Variants in PCYT1B observed in about 807,000 individuals in gnomAD.
The protein encoded by PCYT1B is phosphate cytidylyltransferase 1B, choline, also known as choline-phosphate cytidylyltransferase B.
Under a neutral mutation model 26.4 loss-of-function variants are expected in PCYT1B, and 10 were observed. That is an observed-to-expected ratio of 0.38 (90% CI 0.23 to 0.64). The LOEUF (loss-of-function observed/expected upper bound fraction) is 0.64. Ranked by LOEUF, PCYT1B falls within the 30% of genes least tolerant of loss-of-function variation. The probability of loss-of-function intolerance (pLI) is 0.56; values close to 1 mark genes in which losing one functional copy is unlikely to be tolerated. For missense variants in PCYT1B, 161 were observed against 292.7 expected (o/e 0.55, Z 3.28); for synonymous variants, 131 against 108.4 (o/e 1.21, Z -1.29).
chrX:24,589,564 C>T (rs928321035), intron 4 of PCYT1B, among the ~76,000 whole-genome samples: 7 of 111,832 alleles, frequency 6.3e-5, no homozygotes, highest in Admixed American at 1.9e-4. Flanking sequence ...GCCTGTGAAT[C>T]GATAAGCATC....
chrX:24,616,228 CTTT>C (rs59287140), intron 2 of PCYT1B, among the ~76,000 whole-genome samples: 1 of 43,812 alleles, frequency 2.3e-5, no homozygotes, highest in Non-Finnish European at 3.5e-5. Flanking sequence ...ACCACCTGGA[CTTT>C]TTTTTTTTTT....
intron 1 of PCYT1B, among the ~76,000 whole-genome samples, chrX:24,629,551 C>A (rs1175955082): frequency 7.6e-5 from 4 of 52,857 alleles, no homozygotes; most frequent in Non-Finnish European, 1.3e-4. Flanking sequence ...AAGAGTGAGA[C>A]CCTGTCTCAA....
intron 1 of PCYT1B, among the ~76,000 whole-genome samples, chrX:24,630,388 T>A (rs989774356): frequency 9.0e-6 from 1 of 111,320 alleles, no homozygotes; most frequent in Admixed American, 9.6e-5. Flanking sequence ...CTCCACCCCC[T>A]GAGTTCACGC....
intron 3 of PCYT1B, among the ~76,000 whole-genome samples, chrX:24,592,338 G>C (rs1228585756): frequency 9.0e-6 from 1 of 111,432 alleles, no homozygotes; most frequent in African/African-American, 3.3e-5. Flanking sequence ...CCCACACCCA[G>C]AATCAAATCT....
At chrX:24,654,761 A>G (rs1250291724) in intron 1 of PCYT1B, among the ~76,000 whole-genome samples, 2 of 106,571 alleles carry the variant, frequency 1.9e-5, no homozygotes, top group Non-Finnish European at 3.9e-5. Context: ...AAAAAAAAAA[A>G]AAAAAAAAAA....
At chrX:24,633,491 T>C (rs943287973) in intron 1 of PCYT1B, among the ~76,000 whole-genome samples, 4 of 110,476 alleles carry the variant, frequency 3.6e-5, no homozygotes, top group Admixed American at 2.9e-4. Flanking sequence ...CTGGCCAACA[T>C]GGTGAACACC....
chrX:24,656,551 CTTTTTTTTT>C (rs1179469896), intron 1 of PCYT1B, among the ~76,000 whole-genome samples: 6 of 56,637 alleles, frequency 1.1e-4, no homozygotes, highest in African/African-American at 2.2e-4. Flanking sequence ...TCTTTTTTTC[CTTTTTTTTT>C]TTTTTTTTTT....
rs5901755 is a variant in PCYT1B at position 24,559,420 on chromosome X, GAGAA to G, written c.*2869_*2872del. ...AAGAAAGAAAAAGAGGAAAGAAAAA[GAGAA>G]AGAAGAAAGAAAAAGAAAGAGAGAG... On this transcript the variant is annotated 3_prime_UTR_variant, in exon 8 of 8. Transcript: ENST00000379144. 2 of 94,452 alleles carry G rather than the reference GAGAA, an allele frequency of 2.1e-5. No individual in the cohort carries two copies. The highest frequency in any genetic ancestry group is 3.8e-5 in the African/African-American group (1 of 26,205). The allele number at this position is 94,452 out of a possible 1,213,427, so 7.8% of individuals were successfully genotyped here. A position where few individuals can be genotyped will look rare whatever the true frequency, so the allele number is the denominator to read the frequency against.
At chrX:24,579,530 C>A in intron 5 of PCYT1B, 72 bp from the exon 6 acceptor site, 3 of 1,024,269 alleles carry the variant, frequency 2.9e-6, no homozygotes, top group South Asian at 4.2e-5. Context: ...CTTTAATGGT[C>A]CCCCTTTACA....
chrX:24,562,236 G>C lies in PCYT1B; in HGVS notation c.*57C>G. ...CTTCAAACACCACCCAGGCAACCCT[G>C]TGACTCTCGCCCTCCTCCCCATCCT... is the stretch of plus-strand genomic sequence containing the variant. On this transcript the variant is annotated 3_prime_UTR_variant, in exon 8 of 8. Coordinates refer to ENST00000379144, the MANE Select transcript of PCYT1B (RefSeq NM_004845.5). 1 of 1,171,441 alleles carries C rather than the reference G, an allele frequency of 8.5e-7. No homozygotes were observed. The highest frequency in any genetic ancestry group is 2.4e-5 in the Admixed American group (1 of 40,873).
intron 7 of PCYT1B, among the ~76,000 whole-genome samples, chrX:24,571,569 T>G (rs1347485545): frequency 9.1e-6 from 1 of 110,189 alleles, no homozygotes; most frequent in African/African-American, 3.3e-5. Flanking sequence ...GCTTCAATTT[T>G]ATATTGGCAT....
intron 6 of PCYT1B, 102 bp downstream of exon 6, chrX:24,579,214 G>A (rs1258043265): frequency 2.9e-6 from 2 of 690,445 alleles, no homozygotes; most frequent in Non-Finnish European, 4.3e-6. Context: ...AGAGAGAGAG[G>A]GAGAACACTG....
chrX:24,651,469 AAAAATATATATATATATATATATAT>A (rs1466448912), upstream of PCYT1B, among the ~76,000 whole-genome samples: 3 of 39,560 alleles, frequency 7.6e-5, no homozygotes, highest in African/African-American at 3.5e-4. Context: ...AAAAAAAAAA[AAAAATATATATATATATATATATAT>A]ATATATATAT....
At chrX:24,669,579 A>G (rs1927196739) in intron 1 of PCYT1B, among the ~76,000 whole-genome samples, 1 of 109,221 alleles carries the variant, frequency 9.2e-6, no homozygotes, top group African/African-American at 3.3e-5. Flanking sequence ...AATTAATTTT[A>G]AGTAATTAAA....
intron 5 of PCYT1B, among the ~76,000 whole-genome samples, chrX:24,583,957 A>G (rs779386351): frequency 7.1e-5 from 8 of 112,429 alleles, no homozygotes; most frequent in Non-Finnish European, 1.1e-4. Flanking sequence ...TAAGTTTCAT[A>G]AGCACTGGTC....
chrX:24,611,590 A>C (rs981777073), intron 2 of PCYT1B, among the ~76,000 whole-genome samples: 2 of 111,570 alleles, frequency 1.8e-5, no homozygotes, highest in Non-Finnish European at 3.8e-5. Flanking sequence ...CCACCCCTTG[A>C]AGTGCGTGTG....
chrX:24,598,522 C>T (rs930265105), intron 3 of PCYT1B, among the ~76,000 whole-genome samples: 2 of 110,637 alleles, frequency 1.8e-5, no homozygotes, highest in South Asian at 3.8e-4. Flanking sequence ...CACACACACA[C>T]GTGTGCCAAT....
At chrX:24,625,753 T>C (rs1302637846) in intron 1 of PCYT1B, among the ~76,000 whole-genome samples, 1 of 97,691 alleles carries the variant, frequency 1.0e-5, no homozygotes, top group Non-Finnish European at 2.0e-5. Context: ...TATGATGTCA[T>C]TTATAGTAAA....
intron 3 of PCYT1B, 121 bp downstream of exon 3, chrX:24,607,624 A>C: frequency 2.2e-6 from 1 of 453,259 alleles, no homozygotes. Context: ...GCGAGCCAGT[A>C]TGGGCTGAAT....
Sources: gnomAD v4.1 joint callset for allele counts (sites outside exome capture counted in the v4.1 genomes callset) on GRCh38, gnomAD v4.1.1 for gene constraint, MANE v1.5 for transcripts, NCBI Gene and HGNC (gene_info 2026-07-23, HGNC 2026-07-21) for gene names.